Variants in XPA observed in about 807,000 individuals in gnomAD.
The protein encoded by XPA is XPA, DNA damage recognition and repair factor, also known as DNA repair protein complementing XP-A cells.
In XPA, 27 loss-of-function variants were observed where a neutral mutation model predicts 35.7. The ratio of observed to expected loss-of-function variants is 0.76; its 90% CI spans 0.56 to 1.04. The LOEUF (loss-of-function observed/expected upper bound fraction) is 1.04. Among genes scored for constraint, XPA ranks in the 50% least tolerant of loss-of-function variants. The probability of loss-of-function intolerance (pLI) is 0.00; values close to 1 mark genes in which losing one functional copy is unlikely to be tolerated. For synonymous variants in XPA, 133 were observed against 118.4 expected, an observed-to-expected ratio of 1.12 and a Z score of -0.80; for missense variants, 354 against 342.7, an observed-to-expected ratio of 1.03 and a Z score of -0.26.
the XPA span, among the ~76,000 whole-genome samples, chr9:97,665,022 T>C: frequency 6.6e-6 from 1 of 152,218 alleles, no homozygotes; most frequent in Non-Finnish European, 1.5e-5. Context: ...TTTATGAAGT[T>C]CACGGACTTT....
At chr9:97,662,681 T>C in the XPA span, among the ~76,000 whole-genome samples, 1 of 152,318 alleles carries the variant, frequency 6.6e-6, no homozygotes, top group Non-Finnish European at 1.5e-5. Context: ...TATTTCACCA[T>C]GTTTGAAGAC....
chr9:97,692,428 A>C (rs1420479505), intron 2 of XPA, among the ~76,000 whole-genome samples: 2 of 152,244 alleles, frequency 1.3e-5, no homozygotes, highest in Non-Finnish European at 2.9e-5. Context: ...AACAAACAAA[A>C]AAATCATGCT....
chr9:97,667,917 G>A, the XPA span, among the ~76,000 whole-genome samples: 1 of 152,180 alleles, frequency 6.6e-6, no homozygotes, highest in Admixed American at 6.5e-5. Context: ...CCTTTGAGTG[G>A]TGTTAGGAAA....
At chr9:97,678,006 A>G (rs148156876) in intron 5 of XPA, among the ~76,000 whole-genome samples, 77 of 152,322 alleles carry the variant, frequency 5.1e-4, no homozygotes, top group Non-Finnish European at 1.0e-3. Context: ...TTAAAACTGG[A>G]TGTATCAGTG....
At chr9:97,677,966 A>G (rs1828418707) in intron 5 of XPA, among the ~76,000 whole-genome samples, 1 of 152,198 alleles carries the variant, frequency 6.6e-6, no homozygotes, top group South Asian at 2.1e-4. Flanking sequence ...AAAAGCCAGT[A>G]TAAGTAAAAC....
chr9:97,685,037 C>T lies in XPA; in HGVS notation c.559G>A (p.Val187Met), dbSNP rs778776392. The change falls in exon 5 of 6, where the codon GTG becomes ATG. Residue 187 changes from valine to methionine, a missense_variant. By Grantham distance (21) the Val-to-Met change is conservative. Transcript: ENST00000375128. ...DMKLYLKLQIVKRSLEVWGSQ... is the reference protein window; with the variant it reads ...DMKLYLKLQIMKRSLEVWGSQ... ...CCCCAAACTTCAAGAGACCTCTTCACAATCTACAACACAAAATCCATATTT... is the reference window on the plus strand; with the variant it reads ...CCCCAAACTTCAAGAGACCTCTTCATAATCTACAACACAAAATCCATATTT... The T allele has an allele frequency of 6.2e-7, 1 of 1,611,836 alleles. No individual in the cohort carries two copies. The highest frequency in any genetic ancestry group is 2.2e-5 in the East Asian group (1 of 44,812).
intron 1 of XPA, among the ~76,000 whole-genome samples, chr9:97,696,637 G>A (rs969787707): frequency 2.0e-5 from 3 of 152,174 alleles, no homozygotes; most frequent in African/African-American, 7.2e-5. Context: ...GGAAGCTCAT[G>A]AGAAGCAATC....
the XPA span, chr9:97,655,696 A>C: frequency 6.2e-7 from 1 of 1,608,466 alleles, no homozygotes. Flanking sequence ...CCCCTTCTCT[A>C]CGTAGGTTTA....
the XPA span, among the ~76,000 whole-genome samples, chr9:97,665,047 C>T: frequency 6.6e-6 from 1 of 152,136 alleles, no homozygotes; most frequent in Non-Finnish European, 1.5e-5. Context: ...CTGATAGGAC[C>T]AGGGCAGCAG....
chr9:97,662,840 A>AT, the XPA span: 3 of 744,192 alleles, frequency 4.0e-6, no homozygotes, highest in Non-Finnish European at 6.6e-6. Context: ...ATACTTAGTT[A>AT]TTTTGCATTT....
At chr9:97,695,173 T>C (rs138326271) in intron 1 of XPA, among the ~76,000 whole-genome samples, 7 of 152,350 alleles carry the variant, frequency 4.6e-5, no homozygotes, top group Non-Finnish European at 8.8e-5. Flanking sequence ...AGCATTCACA[T>C]AGGTAAAATT....
the XPA span, chr9:97,668,917 G>A: frequency 3.7e-6 from 6 of 1,613,264 alleles, no homozygotes; most frequent in Non-Finnish European, 5.1e-6. Context: ...AACGACTTCA[G>A]GAAAAAGTGG....
At chr9:97,663,570 C>T in the XPA span, among the ~76,000 whole-genome samples, 9 of 151,896 alleles carry the variant, frequency 5.9e-5, no homozygotes, top group South Asian at 4.2e-4. Context: ...CTGCAACCTC[C>T]GCCTCCCGGG....
At chr9:97,665,479 C>T in the XPA span, among the ~76,000 whole-genome samples, 3 of 152,324 alleles carry the variant, frequency 2.0e-5, no homozygotes, top group South Asian at 2.1e-4. Context: ...CCCAGGCATT[C>T]TGGAATCTGT....
chr9:97,658,775 A>G, the XPA span: 2 of 1,472,876 alleles, frequency 1.4e-6, no homozygotes, highest in Non-Finnish European at 1.9e-6. Flanking sequence ...TCTGTCTTTA[A>G]AAGGTACCAG....
chr9:97,680,583 G>C (rs1002889287), intron 5 of XPA, among the ~76,000 whole-genome samples: 1 of 152,116 alleles, frequency 6.6e-6, no homozygotes, highest in African/African-American at 2.4e-5. Context: ...CACAATGTCT[G>C]CAACTTAAAT....
chr9:97,685,909 C>T (rs1003848950), intron 4 of XPA, among the ~76,000 whole-genome samples: 11 of 152,160 alleles, frequency 7.2e-5, no homozygotes, highest in African/African-American at 2.7e-4. Context: ...CTTGCATTTT[C>T]CCTTTTATGT....
the XPA span, among the ~76,000 whole-genome samples, chr9:97,663,750 G>A: frequency 6.6e-6 from 1 of 151,730 alleles, no homozygotes; most frequent in African/African-American, 2.4e-5. Context: ...CTCCCAAAGT[G>A]TGCTAGATTA....
chr9:97,656,088 A>G, the XPA span: 3 of 1,611,392 alleles, frequency 1.9e-6, no homozygotes, highest in African/African-American at 2.7e-5. Context: ...TGTATGAGGT[A>G]AGTTTTTTGT....
Sources: allele counts gnomAD v4.1 joint callset (sites outside exome capture counted in the v4.1 genomes callset), GRCh38; gene constraint gnomAD v4.1.1; transcripts MANE v1.5; gene names NCBI Gene and HGNC (gene_info 2026-07-23, HGNC 2026-07-21).